Variants in RDX observed in about 807,000 individuals in gnomAD.
The protein encoded by RDX is deafness, autosomal recessive 24.
In RDX, 32 loss-of-function variants were observed where a neutral mutation model predicts 83.7. The observed-to-expected ratio is 0.38, with a 90% confidence interval of 0.29 to 0.51. RDX has a LOEUF of 0.51. RDX is among the 20% of genes least tolerant of loss of function. The probability of loss-of-function intolerance (pLI) is 0.87; values close to 1 mark genes in which losing one functional copy is unlikely to be tolerated. For missense variants in RDX, 600 were observed against 689.9 expected, an observed-to-expected ratio of 0.87 and a Z score of 1.46; for synonymous variants, 229 against 222.7, an observed-to-expected ratio of 1.03 and a Z score of -0.25.
At chr11:110,211,875 G>T (rs1863851561) in intron 14 of RDX, among the ~76,000 whole-genome samples, 1 of 150,632 alleles carries the variant, frequency 6.6e-6, no homozygotes, top group African/African-American at 2.4e-5. Context: ...GCCCACAAGA[G>T]AAAGCAGGAA....
intron 15 of RDX, among the ~76,000 whole-genome samples, chr11:110,175,549 C>T (rs1862757034): frequency 1.3e-5 from 2 of 152,240 alleles, no homozygotes; most frequent in Non-Finnish European, 2.9e-5. Context: ...AAATGCACTT[C>T]CTGCTCTTGT....
intron 10 of RDX, among the ~76,000 whole-genome samples, chr11:110,246,680 CAGG>C (rs970961286): frequency 1.8e-4 from 26 of 146,768 alleles, no homozygotes; most frequent in African/African-American, 6.6e-4. Context: ...GAGGCTCAGG[CAGG>C]AGAATAGCTT....
chr11:110,247,648 T>C, intron 10 of RDX, 55 bp downstream of exon 10: 3 of 1,579,420 alleles, frequency 1.9e-6, no homozygotes, highest in Non-Finnish European at 1.7e-6. Context: ...AATACCACTA[T>C]CTGACAACAG....
At chr11:110,226,219 C>T (rs555441598), downstream of RDX, among the ~76,000 whole-genome samples, 14 of 152,138 alleles carry the variant, frequency 9.2e-5, no homozygotes, top group East Asian at 3.9e-4. Context: ...CAAATGATAG[C>T]GGTAATTTAA....
At chr11:110,215,514 T>C (rs372291300) in intron 14 of RDX, among the ~76,000 whole-genome samples, 6 of 152,118 alleles carry the variant, frequency 3.9e-5, no homozygotes, top group African/African-American at 1.4e-4. Context: ...AGCACTAAAC[T>C]GGACAGACTA....
intron 14 of RDX, among the ~76,000 whole-genome samples, chr11:110,216,556 T>TTA (rs1453549370): frequency 1.3e-5 from 2 of 149,482 alleles, no homozygotes; most frequent in African/African-American, 2.5e-5. Flanking sequence ...TTTTTTTTTT[T>TTA]AAATAGAGAG....
chr11:110,181,320 G>A (rs1045097450), intron 15 of RDX, among the ~76,000 whole-genome samples: 1 of 152,044 alleles, frequency 6.6e-6, no homozygotes, highest in African/African-American at 2.4e-5. Flanking sequence ...CCGCCACCAC[G>A]CCCAGCTGAT....
At chr11:110,178,502 C>T (rs1404477506) in intron 15 of RDX, among the ~76,000 whole-genome samples, 2 of 152,158 alleles carry the variant, frequency 1.3e-5, no homozygotes, top group East Asian at 1.9e-4. Context: ...TGGAGATCAC[C>T]GTCTAAGTCA....
intron 15 of RDX, among the ~76,000 whole-genome samples, chr11:110,183,587 G>C (rs977054266): frequency 5.3e-5 from 8 of 152,224 alleles, no homozygotes; most frequent in African/African-American, 1.9e-4. Flanking sequence ...GCCTCCCAAA[G>C]TGCTGGGATC....
chr11:110,222,289 TA>T (rs1864276492), intron 14 of RDX, among the ~76,000 whole-genome samples: 2 of 152,324 alleles, frequency 1.3e-5, no homozygotes, highest in African/African-American at 4.8e-5. Context: ...TAACCTCCTG[TA>T]AAGATGCAAA....
At chr11:110,200,772 G>C (rs1863372785) in intron 14 of RDX, among the ~76,000 whole-genome samples, 1 of 152,190 alleles carries the variant, frequency 6.6e-6, no homozygotes, top group Admixed American at 6.5e-5. Flanking sequence ...TAATACTTGA[G>C]CTTGATGTTA....
intron 10 of RDX, among the ~76,000 whole-genome samples, chr11:110,238,832 G>A (rs1864963155): frequency 6.6e-6 from 1 of 151,256 alleles, no homozygotes. Flanking sequence ...GGCTGAGGCA[G>A]AAGAATCTCT....
chr11:110,266,372 T>C (rs973872836), intron 3 of RDX, among the ~76,000 whole-genome samples: 1 of 151,274 alleles, frequency 6.6e-6, no homozygotes, highest in Non-Finnish European at 1.5e-5. Context: ...AATAAAGTGG[T>C]GGAGTTAGGA....
intron 14 of RDX, among the ~76,000 whole-genome samples, chr11:110,211,098 A>T (rs1434897965): frequency 1.3e-5 from 2 of 152,132 alleles, no homozygotes; most frequent in Admixed American, 6.5e-5. Context: ...AGGAAACCCA[A>T]CTCATGTGCA....
At position 110,264,282 on chromosome 11, in the gene RDX, A is replaced by G. The variant is rs749547772; in HGVS notation, c.193-48T>C. The G allele has an allele frequency of 2.3e-6, 3 of 1,309,952 alleles. No individual in the cohort carries two copies. In the South Asian group the frequency reaches 4.0e-5, roughly 17 times the overall value. The allele number at this position is 1,309,952 out of a possible 1,614,324, so 81.1% of individuals were successfully genotyped here. A position where few individuals can be genotyped will look rare whatever the true frequency, so the allele number is the denominator to read the frequency against. The stretch of plus-strand genomic sequence containing the variant: ...AATCAACAAAAATCTTAAGTTTACA[A>G]TAATTAGACCTAGTCACATCAAATT... On this transcript the variant is annotated intron_variant, in intron 4 of 13. Coordinates refer to ENST00000645495, the MANE Select transcript of RDX (RefSeq NM_002906.4).
At chr11:110,215,992 TC>T (rs1864038042) in intron 14 of RDX, among the ~76,000 whole-genome samples, 1 of 152,172 alleles carries the variant, frequency 6.6e-6, no homozygotes. Flanking sequence ...GACACTTCCA[TC>T]CCTGCACCTC....
chr11:110,278,617 G>GCTAAAAAA (rs1860614279), intron 2 of RDX, among the ~76,000 whole-genome samples: 1 of 151,642 alleles, frequency 6.6e-6, no homozygotes, highest in Non-Finnish European at 1.5e-5. Flanking sequence ...TTCAGTTATT[G>GCTAAAAAA]GTTCTAGTAT....
intron 14 of RDX, among the ~76,000 whole-genome samples, chr11:110,203,161 T>C (rs915336193): frequency 1.3e-5 from 2 of 152,124 alleles, no homozygotes; most frequent in African/African-American, 4.8e-5. Flanking sequence ...TTGCATACAA[T>C]GGAGTACTAT....
At chr11:110,293,848 A>T (rs1861340373) in intron 1 of RDX, among the ~76,000 whole-genome samples, 1 of 152,252 alleles carries the variant, frequency 6.6e-6, no homozygotes, top group Non-Finnish European at 1.5e-5. Flanking sequence ...TTAATAAAAC[A>T]GATTTTTTTA....
Sources: gnomAD v4.1 joint callset for allele counts (sites outside exome capture counted in the v4.1 genomes callset) on GRCh38, gnomAD v4.1.1 for gene constraint, MANE v1.5 for transcripts, NCBI Gene and HGNC (gene_info 2026-07-23, HGNC 2026-07-21) for gene names.